Variants in UTRN observed in about 807,000 individuals in gnomAD.
UTRN encodes utrophin.
UTRN carries 283 observed loss-of-function variants against 463.9 expected under a neutral mutation model. The observed-to-expected ratio is 0.61, with a 90% CI of 0.55 to 0.67. The LOEUF (loss-of-function observed/expected upper bound fraction) is 0.67, where lower values mean the gene tolerates loss of function less well. Among genes scored for constraint, UTRN ranks in the 30% least tolerant of loss-of-function variants. The pLI is 0.00. For synonymous variants in UTRN, 1,442 were observed against 1,431.5 expected (o/e 1.01, Z -0.17); for missense variants, 3,922 against 4,084.3 (o/e 0.96, Z 1.08).
chr6:144,596,505 CGAT>C lies in UTRN; in HGVS notation c.7479+19221_7479+19223del, dbSNP rs149274679. Among the ~76,000 whole-genome samples, 371 of 152,124 alleles carry C rather than the reference CGAT, an allele frequency of 2.4e-3. 11 individuals carry two copies. In the East Asian group the frequency reaches 0.057, roughly 23 times the overall value. Reference sequence around the variant, plus strand: ...ATTAGTAGTGGCAATGACCAAACTGCGATGATATGGATATATTCCATTTTTGGG... The same window carrying C: ...ATTAGTAGTGGCAATGACCAAACTGCGATATGGATATATTCCATTTTTGGG... On this transcript the variant is annotated intron_variant, in intron 51 of 74. Coordinates refer to ENST00000367545, the MANE Select transcript of UTRN (RefSeq NM_007124.3).
intron 61 of UTRN, among the ~76,000 whole-genome samples, chr6:144,782,530 A>G (rs1775927397): frequency 1.3e-5 from 2 of 152,002 alleles, no homozygotes; most frequent in African/African-American, 4.8e-5. Context: ...AATCTGCTCT[A>G]CAATCTTTGT....
chr6:144,491,211 G>C, intron 32 of UTRN, 109 bp downstream of exon 32: 11 of 1,044,518 alleles, frequency 1.1e-5, no homozygotes, highest in Non-Finnish European at 1.5e-5. Context: ...TCTACAGTGT[G>C]CTAAACATAA....
intron 55 of UTRN, 144 bp from the exon 56 acceptor site, chr6:144,751,662 A>G (rs764430216): frequency 1.7e-5 from 12 of 706,410 alleles, no homozygotes; most frequent in Middle Eastern, 4.1e-4. Flanking sequence ...AAATCTGTGC[A>G]TAAATGGACC....
intron 41 of UTRN, among the ~76,000 whole-genome samples, chr6:144,526,720 A>G (rs182734997): frequency 1.4e-5 from 2 of 147,246 alleles, no homozygotes; most frequent in Non-Finnish European, 3.0e-5. Context: ...TCTATTTATC[A>G]TGATATTTGT....
At position 144,461,063 on chromosome 6, in the gene UTRN, T is replaced by A. The variant is rs1193008911; in HGVS notation, c.2708-134T>A. ...CAATGGAATGATCTATGTTGTTAAT[T>A]AACAGAGACCCTTTTACATTTTAAT... On this transcript the variant is annotated intron_variant, in intron 21 of 74. Transcript: ENST00000367545. 4.7e-6 allele frequency: 3 copies of A among 634,468 alleles called. No individual in the cohort carries two copies. The African/African-American group carries it at 5.7e-5, about 12-fold the overall frequency. 39.3% of individuals were successfully genotyped at this position (634,468 alleles called of 1,614,324 possible). A position where few individuals can be genotyped will look rare whatever the true frequency, so the allele number is the denominator to read the frequency against.
intron 37 of UTRN, 141 bp from the exon 38 acceptor site, chr6:144,516,088 G>A: frequency 1.2e-6 from 1 of 815,812 alleles, no homozygotes; most frequent in Non-Finnish European, 1.9e-6. Flanking sequence ...CCATATAAAT[G>A]AATGAAACAA....
intron 33 of UTRN, among the ~76,000 whole-genome samples, chr6:144,496,103 T>C (rs1019615926): frequency 6.6e-6 from 1 of 152,152 alleles, no homozygotes; most frequent in Non-Finnish European, 1.5e-5. Flanking sequence ...GCATTTACTG[T>C]GAGTGAATGA....
At chr6:144,838,522 G>A (rs978408550) in intron 71 of UTRN, among the ~76,000 whole-genome samples, 3 of 152,292 alleles carry the variant, frequency 2.0e-5, no homozygotes, top group African/African-American at 7.2e-5. Flanking sequence ...ATTTGTCAGC[G>A]TATCCATATT....
chr6:144,728,895 C>T (rs2128713386), intron 53 of UTRN, among the ~76,000 whole-genome samples: 1 of 152,288 alleles, frequency 6.6e-6, no homozygotes, highest in South Asian at 2.1e-4. Context: ...CCGTCTCTCA[C>T]TAGTTCTTGT....
intron 9 of UTRN, among the ~76,000 whole-genome samples, chr6:144,429,968 C>T (rs1018545394): frequency 1.3e-5 from 2 of 152,134 alleles, no homozygotes; most frequent in Non-Finnish European, 2.9e-5. Flanking sequence ...TTTATTTCAC[C>T]CAGCAAAACT....
At chr6:144,534,386 A>G (rs1355067798) in intron 43 of UTRN, among the ~76,000 whole-genome samples, 1 of 152,194 alleles carries the variant, frequency 6.6e-6, no homozygotes, top group Non-Finnish European at 1.5e-5. Context: ...AAAGTAAGTG[A>G]TCATACTGTC....
chr6:144,634,737 T>G (rs947692360), intron 51 of UTRN, among the ~76,000 whole-genome samples: 72 of 152,348 alleles, frequency 4.7e-4, no homozygotes, highest in Middle Eastern at 3.4e-3. Flanking sequence ...TTTGCCATTC[T>G]GAGTATTTCA....
At chr6:144,419,961 CACACAG>C (rs908367925) in intron 3 of UTRN, among the ~76,000 whole-genome samples, 1 of 103,486 alleles carries the variant, frequency 9.7e-6, no homozygotes, top group African/African-American at 3.6e-5. Context: ...CACTTGTGCG[CACACAG>C]ACACAGACAC....
At position 144,462,879 on chromosome 6, in the gene UTRN, G is replaced by T; in HGVS notation, c.3066+13G>T. 1.3e-6 allele frequency: 2 copies of T among 1,584,890 alleles called. No individual in the cohort carries two copies. Among genetic ancestry groups the T allele is most frequent in the Non-Finnish European group, 1.7e-6 (2 of 1,168,578 alleles). ...CAGAGCTTTTGAGGTAAATCCAGAG[G>T]CCACTGGGAGTTTAAGTTTATTACG... On this transcript the variant is annotated intron_variant, in intron 23 of 74. Coordinates refer to ENST00000367545, the MANE Select transcript of UTRN (RefSeq NM_007124.3).
chr6:144,302,479 C>T (rs1418156889), intron 2 of UTRN, among the ~76,000 whole-genome samples: 1 of 143,744 alleles, frequency 7.0e-6, no homozygotes, highest in Non-Finnish European at 1.5e-5. Flanking sequence ...CAATGCACTC[C>T]AGCCTGGGCA....
intron 13 of UTRN, among the ~76,000 whole-genome samples, chr6:144,441,412 C>A (rs1233923367): frequency 6.6e-6 from 1 of 152,186 alleles, no homozygotes; most frequent in African/African-American, 2.4e-5. Flanking sequence ...GTGGGGTAGT[C>A]AAATCTTAAA....
chr6:144,494,845 C>T (rs924455154), intron 33 of UTRN, among the ~76,000 whole-genome samples: 8 of 151,786 alleles, frequency 5.3e-5, no homozygotes, highest in African/African-American at 1.9e-4. Context: ...TACAGAGTGC[C>T]AATTGGTGTA....
intron 35 of UTRN, among the ~76,000 whole-genome samples, chr6:144,511,467 A>G (rs1291491512): frequency 6.6e-6 from 1 of 152,204 alleles, no homozygotes; most frequent in Non-Finnish European, 1.5e-5. Context: ...TGTTTGAATA[A>G]TGGCATACTG....
intron 51 of UTRN, among the ~76,000 whole-genome samples, chr6:144,610,875 CA>C (rs1161241972): frequency 6.6e-6 from 1 of 151,696 alleles, no homozygotes; most frequent in Non-Finnish European, 1.5e-5. Context: ...GACTTTGTTT[CA>C]AAAAAACCAA....
Sources: gnomAD v4.1 joint callset for allele counts (sites outside exome capture counted in the v4.1 genomes callset) on GRCh38, gnomAD v4.1.1 for gene constraint, MANE v1.5 for transcripts, NCBI Gene and HGNC (gene_info 2026-07-23, HGNC 2026-07-21) for gene names.